The following ANO2 variants were observed in gnomAD, a reference collection of about 807,000 sequenced individuals.
ANO2 encodes anoctamin-2.
Under a neutral mutation model 124.2 loss-of-function variants are expected in ANO2, and 101 were observed. The observed-to-expected ratio is 0.81, with a 90% CI of 0.69 to 0.96. ANO2 has a LOEUF of 0.96. ANO2 is among the 40% of genes least tolerant of loss of function. The pLI, the probability that ANO2 is intolerant of heterozygous loss-of-function variation, is 0.00. For missense variants in ANO2, 1,293 were observed against 1,274.5 expected, an observed-to-expected ratio of 1.01 and a Z score of -0.22; for synonymous variants, 486 against 482.5, an observed-to-expected ratio of 1.01 and a Z score of -0.09.
At chr12:5,841,480 A>T (rs1194472753) in intron 4 of ANO2, among the ~76,000 whole-genome samples, 1 of 152,232 alleles carries the variant, frequency 6.6e-6, no homozygotes, top group Non-Finnish European at 1.5e-5. Flanking sequence ...CACATGAATG[A>T]ATGTTTGCTG....
At chr12:5,945,160 TAGG>T in intron 1 of ANO2, 33 bp downstream of exon 1, 2 of 1,287,162 alleles carry the variant, frequency 1.6e-6, no homozygotes, top group Non-Finnish European at 2.0e-6. Flanking sequence ...CTACCACCTG[TAGG>T]AGACCAGGAC....
chr12:5,627,149 C>A (rs144364668), intron 16 of ANO2, among the ~76,000 whole-genome samples: 22 of 152,260 alleles, frequency 1.4e-4, no homozygotes, highest in Middle Eastern at 3.4e-3. Flanking sequence ...GTACTCACAT[C>A]GTTTTATTAG....
chr12:5,567,334 G>C (rs1941827517), intron 23 of ANO2, among the ~76,000 whole-genome samples: 1 of 152,236 alleles, frequency 6.6e-6, no homozygotes, highest in Non-Finnish European at 1.5e-5. Context: ...GGCAGAGAGG[G>C]AGAGCGTGGC....
At chr12:5,584,829 C>A (rs111693104) in intron 20 of ANO2, among the ~76,000 whole-genome samples, 1 of 152,128 alleles carries the variant, frequency 6.6e-6, no homozygotes, top group African/African-American at 2.4e-5. Context: ...AATGGTGAAG[C>A]CTTGACAGAA....
chr12:5,625,202 T>C (rs531358523), intron 16 of ANO2, among the ~76,000 whole-genome samples: 2 of 149,732 alleles, frequency 1.3e-5, no homozygotes, highest in East Asian at 2.0e-4. Flanking sequence ...TGGGGGGGAG[T>C]GCGGCACAGA....
chr12:5,923,125 CACCCACATACACACACATGCACACAT>C (rs1941842274), intron 1 of ANO2, among the ~76,000 whole-genome samples: 1 of 54,070 alleles, frequency 1.8e-5, no homozygotes, highest in Non-Finnish European at 4.6e-5. Flanking sequence ...CACGCACACA[CACCCACATACACACACATGCACACAT>C]ACACACACGC....
intron 10 of ANO2, among the ~76,000 whole-genome samples, chr12:5,768,237 G>T (rs1951957795): frequency 6.6e-6 from 1 of 152,224 alleles, no homozygotes; most frequent in Middle Eastern, 3.4e-3. Context: ...CACCCCAAGG[G>T]CAAGAATAAT....
At chr12:5,931,086 T>C (rs1398188443) in intron 1 of ANO2, among the ~76,000 whole-genome samples, 2 of 152,164 alleles carry the variant, frequency 1.3e-5, no homozygotes, top group African/African-American at 4.8e-5. Flanking sequence ...ACAGCTACTA[T>C]TACCATTTTG....
intron 10 of ANO2, among the ~76,000 whole-genome samples, chr12:5,754,440 G>T (rs1184863621): frequency 3.9e-5 from 6 of 152,112 alleles, no homozygotes; most frequent in Non-Finnish European, 8.8e-5. Flanking sequence ...GGAAGAATTT[G>T]TAAGTCTCTC....
chr12:5,799,958 T>C (rs142692893), intron 9 of ANO2, among the ~76,000 whole-genome samples: 1 of 152,400 alleles, frequency 6.6e-6, no homozygotes, highest in Non-Finnish European at 1.5e-5. Context: ...ACAGTCTGCT[T>C]ACACCCTGGT....
At chr12:5,792,296 C>T (rs1952720956) in intron 10 of ANO2, among the ~76,000 whole-genome samples, 1 of 152,230 alleles carries the variant, frequency 6.6e-6, no homozygotes, top group African/African-American at 2.4e-5. Context: ...CATTACCCAT[C>T]TTTTGACTGT....
At chr12:5,868,510 TG>T (rs1955491157) in intron 3 of ANO2, among the ~76,000 whole-genome samples, 1 of 152,224 alleles carries the variant, frequency 6.6e-6, no homozygotes, top group Non-Finnish European at 1.5e-5. Flanking sequence ...CCTAGCACAA[TG>T]TCTGGCACAT....
intron 13 of ANO2, among the ~76,000 whole-genome samples, chr12:5,738,543 G>A (rs1440457742): frequency 6.6e-6 from 1 of 152,130 alleles, no homozygotes; most frequent in East Asian, 1.9e-4. Flanking sequence ...GGCCTTGAAG[G>A]TTTTAATGGT....
At chr12:5,605,100 C>T (rs1944154213) in intron 19 of ANO2, among the ~76,000 whole-genome samples, 2 of 152,102 alleles carry the variant, frequency 1.3e-5, no homozygotes, top group Admixed American at 6.5e-5. Context: ...ACAGACGTGG[C>T]TCCACAGATC....
chr12:5,827,446 T>C (rs1289964512), intron 7 of ANO2, among the ~76,000 whole-genome samples: 1 of 152,024 alleles, frequency 6.6e-6, no homozygotes, highest in East Asian at 1.9e-4. Context: ...CTATTGGAAA[T>C]GGTGAAAAAC....
intron 1 of ANO2, among the ~76,000 whole-genome samples, chr12:5,930,524 T>C (rs973635211): frequency 2.6e-5 from 4 of 152,130 alleles, no homozygotes; most frequent in African/African-American, 9.7e-5. Flanking sequence ...CTAAGAAGAG[T>C]AGGCAACCAT....
intron 19 of ANO2, among the ~76,000 whole-genome samples, chr12:5,610,919 A>G (rs1944511455): frequency 6.9e-6 from 1 of 145,482 alleles, no homozygotes; most frequent in African/African-American, 2.5e-5. Context: ...GTAACATATG[A>G]TGGTGGTAGT....
chr12:5,781,310 A>C (rs1234922789), intron 10 of ANO2, among the ~76,000 whole-genome samples: 1 of 152,230 alleles, frequency 6.6e-6, no homozygotes, highest in Non-Finnish European at 1.5e-5. Context: ...GACATATTCC[A>C]TACATACTCC....
At chr12:5,589,822 G>C (rs1182079907) in intron 20 of ANO2, among the ~76,000 whole-genome samples, 1 of 152,100 alleles carries the variant, frequency 6.6e-6, no homozygotes, top group East Asian at 1.9e-4. Context: ...GGGAGCTGTA[G>C]GGTGCGGAGG....
Sources: gnomAD v4.1 joint callset for allele counts (sites outside exome capture counted in the v4.1 genomes callset) on GRCh38, gnomAD v4.1.1 for gene constraint, MANE v1.5 for transcripts, NCBI Gene and HGNC (gene_info 2026-07-23, HGNC 2026-07-21) for gene names.